PHF14: variants seen among roughly 807,000 people sequenced by gnomAD.
The protein encoded by PHF14 is PHD finger protein 14.
Under a neutral mutation model 117.9 loss-of-function variants are expected in PHF14, and 55 were observed. The observed-to-expected ratio is 0.47, with a 90% CI of 0.38 to 0.58. The LOEUF (loss-of-function observed/expected upper bound fraction) is 0.58. Ranked by LOEUF, PHF14 falls within the 20% of genes least tolerant of loss-of-function variation. The pLI is 0.00. For missense variants in PHF14, 978 were observed against 1,122.2 expected (o/e 0.87, Z 1.84); for synonymous variants, 409 against 368.6 (o/e 1.11, Z -1.26).
intron 4 of PHF14, among the ~76,000 whole-genome samples, chr7:10,999,237 A>T (rs894717043): frequency 2.6e-4 from 40 of 152,168 alleles, no homozygotes; most frequent in African/African-American, 9.4e-4. Flanking sequence ...CTGCCCCCTG[A>T]TAGTAAGGCC....
At chr7:11,031,992 C>T (rs1004586027) in intron 7 of PHF14, among the ~76,000 whole-genome samples, 15 of 151,822 alleles carry the variant, frequency 9.9e-5, no homozygotes, top group Non-Finnish European at 1.3e-4. Context: ...TGGTGGCACA[C>T]GCCTGTAATC....
At chr7:11,040,838 AG>A in intron 12 of PHF14, 63 bp downstream of exon 12, 1 of 724,418 alleles carries the variant, frequency 1.4e-6, no homozygotes, top group African/African-American at 1.8e-5. Flanking sequence ...GATACTTATT[AG>A]AAAGAAGATC....
intron 4 of PHF14, among the ~76,000 whole-genome samples, chr7:11,006,024 C>T (rs1373004814): frequency 1.3e-5 from 2 of 152,044 alleles, no homozygotes; most frequent in East Asian, 3.9e-4. Context: ...GATCTCCAGA[C>T]CTCATGATCT....
chr7:10,974,233 C>G lies in PHF14; in HGVS notation c.-91C>G. On this transcript the variant is annotated 5_prime_UTR_variant, in exon 1 of 18. Coordinates refer to ENST00000634607, the MANE Select transcript of PHF14 (RefSeq NM_001007157.2). The stretch of plus-strand genomic sequence containing the variant: ...TTTAAATAGCATCTTTCGGACTTGT[C>G]TTCGCGGCCCCAGTCCCCGACCTCG... 2 of 1,134,088 alleles carry G rather than the reference C, an allele frequency of 1.8e-6. No individual in the cohort carries two copies. Among genetic ancestry groups the G allele is most frequent in the South Asian group, 1.3e-5 (1 of 75,970 alleles). The allele number at this position is 1,134,088 out of a possible 1,614,324, so 70.3% of individuals were successfully genotyped here.
At position 11,016,726 on chromosome 7, in the gene PHF14, C is replaced by G. The variant is rs1034416996; in HGVS notation, c.1205+2820C>G. Among the ~76,000 whole-genome samples, 5 of 152,180 alleles carry G rather than the reference C, an allele frequency of 3.3e-5. No homozygotes were observed. The East Asian group carries it at 5.8e-4, about 18-fold the overall frequency. On this transcript the variant is annotated intron_variant, in intron 5 of 17. Coordinates refer to ENST00000634607, the MANE Select transcript of PHF14 (RefSeq NM_001007157.2). ...GGGTATCCATTTCTCAAACACTTGT[C>G]TTTTGAGTTACAAACAATCCAGTTA...
At position 10,990,728 on chromosome 7, in the gene PHF14, A is replaced by G. The variant is rs1300379983; in HGVS notation, c.926A>G (p.Gln309Arg). ...NEDSLILEKS[Q>R]NWSSQKMDHI... Reference sequence around the variant, plus strand: ...GACTCGCTGATTCTTGAGAAGAGTCAAAACTGGAGCTCTCAAAAAATGGAC... The same window carrying G: ...GACTCGCTGATTCTTGAGAAGAGTCGAAACTGGAGCTCTCAAAAAATGGAC... The change falls in exon 4 of 18, where the codon CAA becomes CGA. Residue 309 changes from glutamine to arginine, a missense_variant. Gln to Arg is a conservative substitution (Grantham distance 43). Coordinates refer to ENST00000634607, the MANE Select transcript of PHF14 (RefSeq NM_001007157.2). 32 of 1,556,952 alleles carry G rather than the reference A, an allele frequency of 2.1e-5. No individual in the cohort carries two copies. Among genetic ancestry groups the G allele is most frequent in the African/African-American group, 2.7e-5 (2 of 73,506 alleles).
chr7:11,030,436 A>G (rs1009092639), intron 7 of PHF14, among the ~76,000 whole-genome samples: 4 of 152,106 alleles, frequency 2.6e-5, no homozygotes, highest in Non-Finnish European at 5.9e-5. Flanking sequence ...ACAGCATCAT[A>G]TGTCATCATT....
At chr7:11,115,636 A>G (rs561133450) in intron 17 of PHF14, among the ~76,000 whole-genome samples, 20 of 151,958 alleles carry the variant, frequency 1.3e-4, no homozygotes, top group East Asian at 3.9e-4. Flanking sequence ...TAACATTGCT[A>G]TATTATTACT....
intron 17 of PHF14, among the ~76,000 whole-genome samples, chr7:11,129,677 A>C (rs1239656193): frequency 6.6e-6 from 1 of 151,852 alleles, no homozygotes; most frequent in East Asian, 1.9e-4. Context: ...TTATTGGATA[A>C]AAATCTGTAT....
chr7:11,028,668 T>G lies in PHF14; in HGVS notation c.1318-13T>G. 6.2e-7 allele frequency: 1 copy of G among 1,613,026 alleles called. No individual in the cohort carries two copies. The highest frequency in any genetic ancestry group is 8.5e-7 in the Non-Finnish European group (1 of 1,179,412). ...AAGTTTGCTTTGAGAATTTTTCTGTTACTTTGTTGTAGGAGTGTAGCTTTT... is the reference window on the plus strand; with the variant it reads ...AAGTTTGCTTTGAGAATTTTTCTGTGACTTTGTTGTAGGAGTGTAGCTTTT... On this transcript the variant is annotated splice_polypyrimidine_tract_variant and intron_variant, in intron 6 of 17. Transcript: ENST00000634607.
chr7:11,111,889 CTTATA>C (rs1197586413), intron 17 of PHF14, among the ~76,000 whole-genome samples: 1 of 113,198 alleles, frequency 8.8e-6, no homozygotes, highest in African/African-American at 3.4e-5. Flanking sequence ...ATTGTAATAT[CTTATA>C]GAATCTGTTC....
chr7:11,022,794 GT>G (rs1216424294), intron 5 of PHF14, 73 bp from the exon 6 acceptor site: 9 of 737,784 alleles, frequency 1.2e-5, no homozygotes, highest in Non-Finnish European at 1.5e-5. Context: ...GATGGCAAGC[GT>G]TTTATATGTT....
intron 4 of PHF14, among the ~76,000 whole-genome samples, chr7:10,995,223 C>T (rs1345758502): frequency 6.6e-6 from 1 of 151,894 alleles, no homozygotes; most frequent in East Asian, 1.9e-4. Flanking sequence ...TCCAAGTCCC[C>T]ACCAGATTAG....
At chr7:11,072,585 A>G (rs187525903) in intron 16 of PHF14, among the ~76,000 whole-genome samples, 134 of 152,352 alleles carry the variant, frequency 8.8e-4, no homozygotes, top group Admixed American at 2.9e-3. Flanking sequence ...CGTACAAGTA[A>G]AGGGCTTGGC....
At chr7:11,052,057 C>T (rs993368310) in intron 14 of PHF14, among the ~76,000 whole-genome samples, 2 of 152,124 alleles carry the variant, frequency 1.3e-5, no homozygotes, top group African/African-American at 4.8e-5. Flanking sequence ...AGAAGTTTCC[C>T]GTAAACCCCT....
chr7:11,141,619 T>A (rs1337640765), intron 17 of PHF14, among the ~76,000 whole-genome samples: 1 of 152,042 alleles, frequency 6.6e-6, no homozygotes, highest in Non-Finnish European at 1.5e-5. Context: ...GCATCAGGAG[T>A]ATAATTTGGT....
intron 1 of PHF14, among the ~76,000 whole-genome samples, 178 bp from the exon 2 acceptor site, chr7:10,974,657 C>T (rs1781800596): frequency 6.6e-6 from 1 of 152,174 alleles, no homozygotes; most frequent in Non-Finnish European, 1.5e-5. Context: ...GCCCGTGGAG[C>T]TGTCCAGCCC....
At chr7:11,149,413 G>A (rs1241477270) in intron 17 of PHF14, among the ~76,000 whole-genome samples, 1 of 151,832 alleles carries the variant, frequency 6.6e-6, no homozygotes, top group Admixed American at 6.6e-5. Context: ...ATGTATTCTG[G>A]GAATGGCTTT....
intron 16 of PHF14, chr7:11,107,325 A>G: frequency 1.1e-6 from 1 of 942,676 alleles, no homozygotes; most frequent in Non-Finnish European, 1.3e-6. Context: ...TCATATACTA[A>G]GTAAGTATTT....
Sources: gnomAD v4.1 joint callset for allele counts (sites outside exome capture counted in the v4.1 genomes callset) on GRCh38, gnomAD v4.1.1 for gene constraint, MANE v1.5 for transcripts, NCBI Gene and HGNC (gene_info 2026-07-23, HGNC 2026-07-21) for gene names.